The following CELF1 variants were observed in gnomAD, a reference collection of about 807,000 sequenced individuals.
CELF1 encodes CUGBP Elav-like family member 1, also known as 50 kDa nuclear polyadenylated RNA-binding protein.
CELF1 carries 10 observed loss-of-function variants against 61.8 expected under a neutral mutation model. That is an observed-to-expected ratio of 0.16 (90% confidence interval 0.10 to 0.27). The LOEUF (loss-of-function observed/expected upper bound fraction) is 0.27. Among genes scored for constraint, CELF1 ranks in the 10% least tolerant of loss-of-function variants. The pLI, the probability that CELF1 is intolerant of heterozygous loss-of-function variation, is 1.00. For synonymous variants in CELF1, 236 were observed against 225.1 expected, an observed-to-expected ratio of 1.05 and a Z score of -0.43; for missense variants, 380 against 639.1, an observed-to-expected ratio of 0.59 and a Z score of 4.37.
chr11:47,534,995 A>T (rs980791233), intron 1 of CELF1, among the ~76,000 whole-genome samples: 1 of 152,126 alleles, frequency 6.6e-6, no homozygotes, highest in African/African-American at 2.4e-5. Context: ...GAAAAAAAAA[A>T]ATTTTTTTCC....
rs1298307871 is a variant in CELF1 at position 47,520,858 on chromosome 11, A to G, written c.-153-19926T>C. Among the ~76,000 whole-genome samples the G allele has an allele frequency of 2.6e-5, 4 of 152,116 alleles. No individual in the cohort carries two copies. In the South Asian group the frequency reaches 6.2e-4, roughly 24 times the overall value. Reference sequence around the variant, plus strand: ...AAGGCTAAAATTAATTCTGCTTTCAATATCTTCAGTAAATAGTCTGGTACT... The same window carrying G: ...AAGGCTAAAATTAATTCTGCTTTCAGTATCTTCAGTAAATAGTCTGGTACT... On this transcript the variant is annotated intron_variant, in intron 1 of 14. Coordinates refer to ENST00000687097, the MANE Select transcript of CELF1 (RefSeq NM_001376376.1).
At chr11:47,483,740 A>G (rs1336378101) in intron 7 of CELF1, among the ~76,000 whole-genome samples, 1 of 152,224 alleles carries the variant, frequency 6.6e-6, no homozygotes, top group African/African-American at 2.4e-5. Flanking sequence ...GCTTGACAGG[A>G]GAAAGGAGGA....
At chr11:47,499,974 G>A (rs1275694789) in intron 2 of CELF1, among the ~76,000 whole-genome samples, 1 of 152,168 alleles carries the variant, frequency 6.6e-6, no homozygotes, top group Non-Finnish European at 1.5e-5. Context: ...AGCAAGAAAA[G>A]GCTCACCGAA....
intron 14 of CELF1, among the ~76,000 whole-genome samples, chr11:47,472,833 TG>T (rs1268357269): frequency 6.6e-6 from 1 of 152,226 alleles, no homozygotes; most frequent in African/African-American, 2.4e-5. Flanking sequence ...GGCACAAACC[TG>T]GACTGTTTAA....
chr11:47,563,565 T>C (rs2097233446), intron 2 of CELF1, among the ~76,000 whole-genome samples: 2 of 152,104 alleles, frequency 1.3e-5, no homozygotes, highest in Non-Finnish European at 2.9e-5. Flanking sequence ...GGCGGGCACC[T>C]GTAGTTCTAG....
intron 1 of CELF1, among the ~76,000 whole-genome samples, chr11:47,502,697 T>C (rs2094067184): frequency 6.6e-6 from 1 of 152,136 alleles, no homozygotes; most frequent in South Asian, 2.1e-4. Context: ...CTGGGCGTGG[T>C]GGCACATGCC....
At position 47,469,877 on chromosome 11, in the gene CELF1, G is replaced by A. The variant is rs2077303488; in HGVS notation, c.*2353C>T. 1 of 152,282 alleles carries A rather than the reference G, an allele frequency of 6.6e-6. No homozygotes were observed. 9.4% of individuals were successfully genotyped at this position (152,282 alleles called of 1,614,324 possible). ...CAGGACAAATCCATGGACAAATAAT[G>A]GTGAGATGGGGGAAGGCGGAGAGAA... On this transcript the variant is annotated 3_prime_UTR_variant, in exon 15 of 15. Coordinates refer to ENST00000687097, the MANE Select transcript of CELF1 (RefSeq NM_001376376.1).
rs191063382 is a variant in CELF1 at position 47,482,273 on chromosome 11, G to T, written c.768+422C>A. Reference sequence around the variant, plus strand: ...AAAAATCTCTTGATCTCTCAAGTCCGCTGAAAGAAACATTTATCATACTCT... The same window carrying T: ...AAAAATCTCTTGATCTCTCAAGTCCTCTGAAAGAAACATTTATCATACTCT... On this transcript the variant is annotated intron_variant, in intron 9 of 14. Coordinates refer to ENST00000687097, the MANE Select transcript of CELF1 (RefSeq NM_001376376.1). Among the ~76,000 whole-genome samples, 3 of 152,122 alleles carry T rather than the reference G, an allele frequency of 2.0e-5. No individual in the cohort carries two copies. The East Asian group carries it at 5.8e-4, about 29-fold the overall frequency.
At chr11:47,528,063 T>C (rs1046196031) in intron 1 of CELF1, among the ~76,000 whole-genome samples, 1 of 152,164 alleles carries the variant, frequency 6.6e-6, no homozygotes, top group African/African-American at 2.4e-5. Context: ...ACCATTGCAC[T>C]CTGGCCTGGG....
chr11:47,473,352 C>T (rs189906646), intron 13 of CELF1, 121 bp from the exon 14 acceptor site: 1 of 902,658 alleles, frequency 1.1e-6, no homozygotes, highest in Non-Finnish European at 1.7e-6. Context: ...AGAGATTCAT[C>T]TGGGGAACTA....
chr11:47,497,698 T>C (rs1387375309), intron 3 of CELF1, among the ~76,000 whole-genome samples: 1 of 152,202 alleles, frequency 6.6e-6, no homozygotes, highest in African/African-American at 2.4e-5. Context: ...CGAACTTTAG[T>C]GTGCACAAAA....
chr11:47,481,471 A>G (rs1187159023), intron 9 of CELF1, among the ~76,000 whole-genome samples: 1 of 152,180 alleles, frequency 6.6e-6, no homozygotes, highest in Non-Finnish European at 1.5e-5. Flanking sequence ...TATGAAAACC[A>G]CTGGAACTAA....
At chr11:47,559,525 T>C (rs773276564) in intron 2 of CELF1, among the ~76,000 whole-genome samples, 3 of 152,042 alleles carry the variant, frequency 2.0e-5, no homozygotes, top group Non-Finnish European at 2.9e-5. Context: ...GCCCAGGTAA[T>C]TTTTTATAGA....
intron 1 of CELF1, among the ~76,000 whole-genome samples, chr11:47,517,260 G>GAAAAAAAAAAAAAAAAAAA (rs57071560): frequency 1.3e-5 from 1 of 76,996 alleles, no homozygotes; most frequent in Non-Finnish European, 3.1e-5. Context: ...AACAAACAGA[G>GAAAAAAAAAAAAAAAAAAA]AAAAAAAAAA....
chr11:47,544,855 G>A (rs977340897), intron 1 of CELF1, among the ~76,000 whole-genome samples: 1 of 151,796 alleles, frequency 6.6e-6, no homozygotes, highest in Non-Finnish European at 1.5e-5. Context: ...CCAGCTACTC[G>A]GAAGGCTGAG....
chr11:47,493,101 G>C (rs1202555664), intron 3 of CELF1, among the ~76,000 whole-genome samples: 1 of 152,120 alleles, frequency 6.6e-6, no homozygotes, highest in Admixed American at 6.5e-5. Context: ...AGGGACTCAA[G>C]ATTCTAGAGA....
At chr11:47,481,056 GAAATACTAGC>G (rs2082730947) in intron 9 of CELF1, among the ~76,000 whole-genome samples, 1 of 129,248 alleles carries the variant, frequency 7.7e-6, no homozygotes, top group Non-Finnish European at 1.6e-5. Context: ...AAACTTCAGA[GAAATACTAGC>G]TAGGATAAAC....
intron 1 of CELF1, among the ~76,000 whole-genome samples, chr11:47,539,444 G>T (rs1252843535): frequency 1.3e-5 from 2 of 152,132 alleles, no homozygotes; most frequent in African/African-American, 2.4e-5. Flanking sequence ...CTGAGGTCGG[G>T]AGTTCGAGAC....
At chr11:47,489,935 G>GTTTTTTTTTTTTTGTTTTTT (rs2090284100) in intron 3 of CELF1, among the ~76,000 whole-genome samples, 3 of 48,236 alleles carry the variant, frequency 6.2e-5, no homozygotes, top group African/African-American at 1.6e-4. Flanking sequence ...ATACCATCTT[G>GTTTTTTTTTTTTTGTTTTTT]TTTTTTTTTT....
Sources: gnomAD v4.1 joint callset for allele counts (sites outside exome capture counted in the v4.1 genomes callset) on GRCh38, gnomAD v4.1.1 for gene constraint, MANE v1.5 for transcripts, NCBI Gene and HGNC (gene_info 2026-07-23, HGNC 2026-07-21) for gene names.